The following SDK1 variants were observed in gnomAD, a reference collection of about 807,000 sequenced individuals.
The protein encoded by SDK1 is sidekick cell adhesion molecule 1, also known as protein sidekick-1.
In SDK1, 157 loss-of-function variants were observed where a neutral mutation model predicts 245.5. The ratio of observed to expected loss-of-function variants is 0.64; its 90% CI spans 0.56 to 0.73. The LOEUF is 0.73. SDK1 is among the 30% of genes least tolerant of loss of function. SDK1 has a pLI of 0.00. For synonymous variants in SDK1, 1,647 were observed against 1,278.5 expected (o/e 1.29, Z -6.15); for missense variants, 3,583 against 3,002.3 (o/e 1.19, Z -4.52).
In SDK1 at chr7:3,458,339, A is replaced by G. The variant is rs541108359; in HGVS notation, c.298+156455A>G. Among the ~76,000 whole-genome samples the G allele has an allele frequency of 5.4e-4, 82 of 151,916 alleles. 1 individual carries two copies. The highest frequency in any genetic ancestry group is 1.9e-3 in the African/African-American group (77 of 41,444). ...GGATATAAGCTCTAAAAGTAGAGGGATTTTTGTCTATCCTAAGTGCCTAGA... is the reference window on the plus strand; with the variant it reads ...GGATATAAGCTCTAAAAGTAGAGGGGTTTTTGTCTATCCTAAGTGCCTAGA... On this transcript the variant is annotated intron_variant, in intron 1 of 44. Coordinates refer to ENST00000404826, the MANE Select transcript of SDK1 (RefSeq NM_152744.4).
intron 1 of SDK1, among the ~76,000 whole-genome samples, chr7:3,371,604 C>T (rs1012897717): frequency 6.6e-6 from 1 of 152,074 alleles, no homozygotes; most frequent in African/African-American, 2.4e-5. Flanking sequence ...CTTAAAATCC[C>T]TACTAAGATA....
chr7:3,637,080 T>C (rs890453249), intron 2 of SDK1, among the ~76,000 whole-genome samples: 9 of 149,792 alleles, frequency 6.0e-5, no homozygotes, highest in African/African-American at 1.5e-4. Flanking sequence ...AGAGAGTGCG[T>C]GCGCGCGTGT....
At chr7:4,069,170 C>T (rs1445714833) in intron 20 of SDK1, among the ~76,000 whole-genome samples, 1 of 152,232 alleles carries the variant, frequency 6.6e-6, no homozygotes, top group African/African-American at 2.4e-5. Context: ...GTTTTAGTCA[C>T]TCTAAGAGCC....
intron 4 of SDK1, among the ~76,000 whole-genome samples, chr7:3,656,556 G>A (rs762810558): frequency 6.6e-6 from 1 of 152,026 alleles, no homozygotes; most frequent in Non-Finnish European, 1.5e-5. Context: ...TTTAATTCAT[G>A]ACCCAGACCC....
intron 1 of SDK1, among the ~76,000 whole-genome samples, chr7:3,386,351 A>T (rs967846139): frequency 1.3e-5 from 2 of 152,200 alleles, no homozygotes; most frequent in Non-Finnish European, 2.9e-5. Flanking sequence ...TTTATGTAAA[A>T]CAAAGATGTT....
chr7:3,815,690 T>A (rs1035275689), intron 4 of SDK1, among the ~76,000 whole-genome samples: 4 of 151,992 alleles, frequency 2.6e-5, no homozygotes, highest in African/African-American at 9.7e-5. Flanking sequence ...GAAGGAATGG[T>A]ACCAGTTCCT....
chr7:3,948,281 G>A (rs557278211), intron 5 of SDK1, among the ~76,000 whole-genome samples: 107 of 115,460 alleles, frequency 9.3e-4, no homozygotes, highest in African/African-American at 3.5e-3. Flanking sequence ...TTTTTGAGAC[G>A]GAGTCTCGCT....
At chr7:3,705,110 G>A (rs183675672) in intron 4 of SDK1, among the ~76,000 whole-genome samples, 3 of 152,282 alleles carry the variant, frequency 2.0e-5, no homozygotes, top group Admixed American at 2.0e-4. Flanking sequence ...ATAATTTGAA[G>A]TCTGGCAATG....
chr7:3,611,035 A>G (rs1262904082), intron 1 of SDK1, among the ~76,000 whole-genome samples: 1 of 152,204 alleles, frequency 6.6e-6, no homozygotes, highest in African/African-American at 2.4e-5. Flanking sequence ...TAAGAGATAT[A>G]TTCTTTCAAT....
At chr7:3,964,097 G>A (rs1262473148) in intron 9 of SDK1, among the ~76,000 whole-genome samples, 1 of 152,258 alleles carries the variant, frequency 6.6e-6, no homozygotes, top group Non-Finnish European at 1.5e-5. Flanking sequence ...GGCCTTCAAG[G>A]TAGAACTTCC....
intron 4 of SDK1, among the ~76,000 whole-genome samples, chr7:3,710,107 T>C (rs7803963): frequency 0.09 from 13,759 of 152,328 alleles, 748 homozygotes; most frequent in African/African-American, 0.14. Context: ...CACAAACCTT[T>C]TATGTTTTAA....
intron 14 of SDK1, among the ~76,000 whole-genome samples, chr7:3,992,099 T>G (rs748621577): frequency 5.9e-5 from 9 of 152,212 alleles, no homozygotes; most frequent in Non-Finnish European, 1.3e-4. Context: ...GCAGGCTGAC[T>G]GGGATGCCAT....
At chr7:4,036,500 A>C (rs1043111874) in intron 17 of SDK1, among the ~76,000 whole-genome samples, 23 of 152,360 alleles carry the variant, frequency 1.5e-4, no homozygotes, top group African/African-American at 4.1e-4. Flanking sequence ...AAAACTGATT[A>C]CATCTCACAG....
intron 1 of SDK1, among the ~76,000 whole-genome samples, chr7:3,459,419 A>G (rs927345109): frequency 3.9e-5 from 6 of 152,164 alleles, no homozygotes; most frequent in Non-Finnish European, 8.8e-5. Flanking sequence ...GGCAGTCGAT[A>G]TAGTGCTGGA....
At chr7:3,821,064 G>A (rs927877177) in intron 4 of SDK1, among the ~76,000 whole-genome samples, 2 of 152,218 alleles carry the variant, frequency 1.3e-5, no homozygotes, top group African/African-American at 2.4e-5. Context: ...CTTGCGCTGG[G>A]TCAGGGTTGT....
rs551461859 is a variant in SDK1 at position 4,067,247 on chromosome 7, C to T, written c.2912-591C>T. ...GCGTAACTCTGCGGCTCTGCCTGCC[C>T]GTGTTAGCAAGGGGGCCGCAGGGCA... On this transcript the variant is annotated intron_variant, in intron 19 of 44. Transcript: ENST00000404826. Among the ~76,000 whole-genome samples the T allele has an allele frequency of 2.2e-3, 328 of 152,278 alleles. 3 individuals are homozygous for T. The highest frequency in any genetic ancestry group is 7.6e-3 in the African/African-American group (317 of 41,546).
In SDK1 at chr7:4,191,060, T is replaced by G. The variant is rs1403594357; in HGVS notation, c.5098+12474T>G. ...ATGCAAATCCCATCCCCTCACTTTC[T>G]GTTTCCACCCTTCAGGGGATCCCTG... On this transcript the variant is annotated intron_variant, in intron 35 of 44. Coordinates refer to ENST00000404826, the MANE Select transcript of SDK1 (RefSeq NM_152744.4). Among the ~76,000 whole-genome samples, 5 of 152,234 alleles carry G rather than the reference T, an allele frequency of 3.3e-5. No individual in the cohort carries two copies. In the East Asian group the frequency reaches 9.6e-4, roughly 29 times the overall value.
rs116240691 is a variant in SDK1, at chr7:4,026,432, G to A, written c.2602+9080G>A. 8.9e-3 allele frequency among the ~76,000 whole-genome samples: 1,355 copies of A among 152,332 alleles called. 22 individuals carry two copies. Among genetic ancestry groups the A allele is most frequent in the African/African-American group, 0.031 (1,294 of 41,578 alleles). ...TAGAAATAACATCTTGTTCCTAACT[G>A]ACTTCAGAGTCAGACGACTGGCTTC... On this transcript the variant is annotated intron_variant, in intron 17 of 44. Transcript: ENST00000404826. This position sits in a 1 kb window ranked among gnomAD's most constrained non-coding sequence, Gnocchi z 4.1.
At chr7:3,694,378 T>C (rs1354285277) in intron 4 of SDK1, among the ~76,000 whole-genome samples, 1 of 152,128 alleles carries the variant, frequency 6.6e-6, no homozygotes, top group Non-Finnish European at 1.5e-5. Flanking sequence ...CACCCTCCTC[T>C]CATAGACACT....
Sources: gnomAD v4.1 joint callset for allele counts (sites outside exome capture counted in the v4.1 genomes callset) on GRCh38, gnomAD v4.1.1 for gene constraint, Gnocchi (gnomAD v3.1) non-coding constraint, MANE v1.5 for transcripts, NCBI Gene and HGNC (gene_info 2026-07-23, HGNC 2026-07-21) for gene names.